TBC1D5: variants seen among roughly 807,000 people sequenced by gnomAD.
TBC1D5 encodes the protein TBC1 domain family member 5.
TBC1D5 carries 75 observed loss-of-function variants against 100.3 expected under a neutral mutation model. The observed-to-expected ratio is 0.75, with a 90% CI of 0.62 to 0.91. The LOEUF is 0.91. Among genes scored for constraint, TBC1D5 ranks in the 40% least tolerant of loss-of-function variants. The probability of loss-of-function intolerance (pLI) is 0.00; values close to 1 mark genes in which losing one functional copy is unlikely to be tolerated. For missense variants in TBC1D5, 910 were observed against 942.4 expected (o/e 0.97, Z 0.45); for synonymous variants, 323 against 325.6 (o/e 0.99, Z 0.09).
intron 14 of TBC1D5, among the ~76,000 whole-genome samples, chr3:17,304,714 G>C (rs1490863076): frequency 2.6e-5 from 4 of 152,200 alleles, no homozygotes; most frequent in African/African-American, 9.6e-5. Context: ...CTTTTTCATA[G>C]ATCTAATTCA....
At chr3:17,567,081 G>A (rs2096598265) in intron 2 of TBC1D5, among the ~76,000 whole-genome samples, 1 of 151,530 alleles carries the variant, frequency 6.6e-6, no homozygotes, top group South Asian at 2.1e-4. Context: ...CCCTAACATT[G>A]TCCTACCAAA....
At chr3:17,706,879 C>CAAAA (rs972815318) in intron 1 of TBC1D5, among the ~76,000 whole-genome samples, 14 of 150,132 alleles carry the variant, frequency 9.3e-5, no homozygotes, top group African/African-American at 3.2e-4. Flanking sequence ...TAAAAAAAGT[C>CAAAA]ATTAATTTTC....
intron 8 of TBC1D5, among the ~76,000 whole-genome samples, chr3:17,395,889 T>C (rs1482820133): frequency 2.0e-5 from 3 of 152,140 alleles, no homozygotes; most frequent in African/African-American, 7.2e-5. Flanking sequence ...AGGAAAAATA[T>C]ACTTTAAAAC....
chr3:17,373,108 A>T (rs562651584), intron 12 of TBC1D5, among the ~76,000 whole-genome samples: 4 of 152,294 alleles, frequency 2.6e-5, no homozygotes, highest in Non-Finnish European at 4.4e-5. Context: ...ACAAAATACT[A>T]TTCTTCTTTT....
intron 8 of TBC1D5, among the ~76,000 whole-genome samples, chr3:17,395,608 A>C (rs2093480990): frequency 6.6e-6 from 1 of 152,110 alleles, no homozygotes; most frequent in South Asian, 2.1e-4. Context: ...TACAACTATA[A>C]ATAGTCCTTA....
At chr3:17,684,204 T>C (rs1339815665) in intron 1 of TBC1D5, among the ~76,000 whole-genome samples, 1 of 152,098 alleles carries the variant, frequency 6.6e-6, no homozygotes, top group African/African-American at 2.4e-5. Flanking sequence ...CAGATATGTA[T>C]GACACACACA....
chr3:17,405,608 A>C (rs2093751576), intron 5 of TBC1D5, among the ~76,000 whole-genome samples: 1 of 152,064 alleles, frequency 6.6e-6, no homozygotes, highest in Non-Finnish European at 1.5e-5. Flanking sequence ...GGTGGCGCAC[A>C]AATACTTGTA....
chr3:17,719,387 T>C (rs569534272), intron 1 of TBC1D5, among the ~76,000 whole-genome samples: 17 of 152,316 alleles, frequency 1.1e-4, no homozygotes, highest in Admixed American at 2.6e-4. Context: ...CCATAAGCAA[T>C]CATAACTAGA....
chr3:17,382,799 C>T (rs2152218326), intron 9 of TBC1D5, among the ~76,000 whole-genome samples: 1 of 152,132 alleles, frequency 6.6e-6, no homozygotes, highest in East Asian at 1.9e-4. Flanking sequence ...TGGGCTCAGC[C>T]AATCACCCTG....
At chr3:17,536,186 G>A (rs1016035713) in intron 2 of TBC1D5, among the ~76,000 whole-genome samples, 1 of 152,096 alleles carries the variant, frequency 6.6e-6, no homozygotes, top group Non-Finnish European at 1.5e-5. Flanking sequence ...TCAAAGTTTT[G>A]TGGGTTTTTT....
rs1391658539 is a variant in TBC1D5 at position 17,564,430 on chromosome 3, T to C, written c.-35-55825A>G. 8.5e-5 allele frequency among the ~76,000 whole-genome samples: 13 copies of C among 152,272 alleles called. No homozygotes were observed. The East Asian group carries it at 2.1e-3, about 25-fold the overall frequency. On this transcript the variant is annotated intron_variant, in intron 2 of 21. Coordinates refer to ENST00000253692, the Ensembl canonical transcript of TBC1D5. ...GGAGGCAAAAATATAAATAAATTAC[T>C]ACCCCCCTTAAGCTTCATGGGCCTA... is the stretch of plus-strand genomic sequence containing the variant.
At chr3:17,233,733 T>C in intron 17 of TBC1D5, 1 of 1,544,708 alleles carries the variant, frequency 6.5e-7, no homozygotes, top group Non-Finnish European at 8.7e-7. Context: ...TGAGCATCGC[T>C]TCCTGTAACT....
chr3:17,214,423 T>C (rs1179143598), intron 17 of TBC1D5, 53 bp from the exon 19 acceptor site: 8 of 1,547,670 alleles, frequency 5.2e-6, no homozygotes, highest in Non-Finnish European at 7.0e-6. Context: ...TTCACTAAGC[T>C]ATTCGATCTA....
At chr3:17,727,505 A>T (rs2076223427) in intron 1 of TBC1D5, among the ~76,000 whole-genome samples, 1 of 152,230 alleles carries the variant, frequency 6.6e-6, no homozygotes, top group East Asian at 1.9e-4. Flanking sequence ...CATAAGAAAC[A>T]ATAACAAAAG....
intron 13 of TBC1D5, among the ~76,000 whole-genome samples, chr3:17,368,006 A>C (rs1269591200): frequency 7.6e-6 from 1 of 131,626 alleles, no homozygotes; most frequent in Admixed American, 7.6e-5. Context: ...AAAATCACTT[A>C]TGTTGAACAT....
chr3:17,389,941 A>G (rs948009038), intron 8 of TBC1D5, among the ~76,000 whole-genome samples: 3 of 150,070 alleles, frequency 2.0e-5, no homozygotes, highest in African/African-American at 7.6e-5. Context: ...TTATTATCTA[A>G]GACATAATGA....
intron 17 of TBC1D5, among the ~76,000 whole-genome samples, chr3:17,215,574 G>C (rs1327628450): frequency 6.6e-6 from 1 of 152,088 alleles, no homozygotes. Flanking sequence ...AAATGAGTCT[G>C]GATTTTAGGG....
chr3:17,470,014 G>T (rs2095354439), intron 3 of TBC1D5, among the ~76,000 whole-genome samples: 1 of 151,956 alleles, frequency 6.6e-6, no homozygotes. Context: ...TATAAAATAA[G>T]CTGTGTCACT....
intron 2 of TBC1D5, among the ~76,000 whole-genome samples, chr3:17,575,962 A>AT (rs935649154): frequency 3.9e-5 from 6 of 152,060 alleles, no homozygotes; most frequent in African/African-American, 1.4e-4. Context: ...AGGTTAATAT[A>AT]TTTTTCCCAT....
Sources: allele counts gnomAD v4.1 joint callset (sites outside exome capture counted in the v4.1 genomes callset), GRCh38; gene constraint gnomAD v4.1.1; transcripts MANE v1.5; gene names NCBI Gene and HGNC (gene_info 2026-07-23, HGNC 2026-07-21).